The following ROCK2 variants were observed in gnomAD, a reference collection of about 807,000 sequenced individuals.
ROCK2 encodes rho-associated protein kinase 2.
A neutral mutation model predicts 195.1 loss-of-function variants in ROCK2; 61 were observed. The ratio of observed to expected loss-of-function variants is 0.31; its 90% CI spans 0.25 to 0.39. The LOEUF (loss-of-function observed/expected upper bound fraction) is 0.39. ROCK2 is among the 10% of genes least tolerant of loss of function. The probability of loss-of-function intolerance (pLI) is 1.00; values close to 1 mark genes in which losing one functional copy is unlikely to be tolerated. For synonymous variants in ROCK2, 504 were observed against 545.5 expected, an observed-to-expected ratio of 0.92 and a Z score of 1.06; for missense variants, 1,109 against 1,637.4, an observed-to-expected ratio of 0.68 and a Z score of 5.57.
chr2:11,317,885 G>A (rs1344115910), intron 1 of ROCK2, among the ~76,000 whole-genome samples: 1 of 151,278 alleles, frequency 6.6e-6, no homozygotes, highest in African/African-American at 2.4e-5. Context: ...TTGTCCTTGT[G>A]ATAGTTTGCT....
At chr2:11,209,092 G>A (rs931833782) in intron 18 of ROCK2, among the ~76,000 whole-genome samples, 1 of 152,094 alleles carries the variant, frequency 6.6e-6, no homozygotes, top group Non-Finnish European at 1.5e-5. Flanking sequence ...GCTATTCTAT[G>A]TCTCTCAGTG....
At position 11,194,266 on chromosome 2, in the gene ROCK2, A is replaced by G. The variant is rs369007584; in HGVS notation, c.3598T>C (p.Leu1200=). 3.7e-5 allele frequency: 51 copies of G among 1,392,940 alleles called. 1 individual carries two copies. The highest frequency in any genetic ancestry group is 2.9e-4 in the East Asian group (12 of 41,396). 86.3% of individuals were successfully genotyped at this position (1,392,940 alleles called of 1,614,324 possible). A position where few individuals can be genotyped will look rare whatever the true frequency, so the allele number is the denominator to read the frequency against. The change falls in exon 29 of 33, where the codon TTA becomes CTA. Residue 1200 remains leucine, a synonymous_variant. Coordinates refer to ENST00000315872, the MANE Select transcript of ROCK2 (RefSeq NM_004850.5). ...DKEQSNPYMV[L]DIDKLFHVRP... ...AACAAAAACACTTACTCTATATCTA[A>G]AACCATGTAAGGATTGGATTGTTCT... is the stretch of plus-strand genomic sequence containing the variant.
At chr2:11,343,261 T>C (rs188869915) in intron 1 of ROCK2, among the ~76,000 whole-genome samples, 1 of 152,336 alleles carries the variant, frequency 6.6e-6, no homozygotes, top group African/African-American at 2.4e-5. Flanking sequence ...CATTTCTATT[T>C]TGTAAAACAT....
chr2:11,291,784 G>T (rs1667370783), intron 1 of ROCK2, among the ~76,000 whole-genome samples: 1 of 152,108 alleles, frequency 6.6e-6, no homozygotes, highest in African/African-American at 2.4e-5. Flanking sequence ...CTATAAAACT[G>T]GGTAAGATCA....
At chr2:11,220,386 C>T (rs931322181) in intron 9 of ROCK2, among the ~76,000 whole-genome samples, 10 of 152,006 alleles carry the variant, frequency 6.6e-5, no homozygotes, top group African/African-American at 2.4e-4. Context: ...TGGGCTCAAG[C>T]TATCCTCCCA....
chr2:11,274,379 AT>A (rs1470020814), intron 3 of ROCK2, among the ~76,000 whole-genome samples: 2 of 152,256 alleles, frequency 1.3e-5, no homozygotes, highest in East Asian at 3.9e-4. Context: ...AGATGGACTA[AT>A]TAAAAAAACA....
At chr2:11,304,129 AT>A (rs1158261736) in intron 1 of ROCK2, among the ~76,000 whole-genome samples, 2 of 152,080 alleles carry the variant, frequency 1.3e-5, no homozygotes, top group East Asian at 3.9e-4. Flanking sequence ...GCGTCTTTAA[AT>A]ATGTGCTGAT....
chr2:11,268,704 T>C (rs1666515228), intron 3 of ROCK2, among the ~76,000 whole-genome samples: 1 of 152,246 alleles, frequency 6.6e-6, no homozygotes, highest in South Asian at 2.1e-4. Context: ...CTTTTGCTGC[T>C]TTCAAATTCT....
At chr2:11,306,463 T>C (rs544369112) in intron 1 of ROCK2, among the ~76,000 whole-genome samples, 11 of 152,354 alleles carry the variant, frequency 7.2e-5, no homozygotes, top group Non-Finnish European at 1.6e-4. Flanking sequence ...AATTATTATC[T>C]AGCTCCTTAT....
chr2:11,214,901 T>C lies in ROCK2; in HGVS notation c.1875A>G (p.Ser625=), dbSNP rs771503550. 1.2e-6 allele frequency: 2 copies of C among 1,613,862 alleles called. No individual in the cohort carries two copies. The part of the protein sequence containing the change: ...KLEKEFINLQ[S]ALESERRDRT... ...GATCCCTCCTTTCAGATTCTAGAGC[T>C]GACTGAAGATTGATAAATTCCTTTT... is the stretch of plus-strand genomic sequence containing the variant. Residue 625 remains serine, a synonymous_variant, in exon 16 of 33, where the codon TCA becomes TCG. Transcript: ENST00000315872.
At chr2:11,279,015 C>T (rs1335654210) in intron 3 of ROCK2, among the ~76,000 whole-genome samples, 1 of 138,564 alleles carries the variant, frequency 7.2e-6, no homozygotes, top group African/African-American at 2.7e-5. Flanking sequence ...CTATAAAAAG[C>T]AAAAAAAAAA....
intron 6 of ROCK2, among the ~76,000 whole-genome samples, chr2:11,226,507 C>T (rs113742652): frequency 4.6e-5 from 7 of 151,970 alleles, no homozygotes; most frequent in Admixed American, 1.3e-4. Flanking sequence ...CAGTTGTTTA[C>T]GAAATCAATT....
At chr2:11,263,011 G>A (rs1666286944) in intron 3 of ROCK2, among the ~76,000 whole-genome samples, 1 of 152,086 alleles carries the variant, frequency 6.6e-6, no homozygotes, top group Non-Finnish European at 1.5e-5. Context: ...GTTTGTGGCA[G>A]CCAAGATCAA....
chr2:11,291,348 G>A (rs564351628), intron 1 of ROCK2, among the ~76,000 whole-genome samples: 5 of 152,296 alleles, frequency 3.3e-5, no homozygotes, highest in East Asian at 1.9e-4. Flanking sequence ...CCACGAGTTC[G>A]AGACCATCCT....
At chr2:11,274,346 A>C (rs542344680) in intron 3 of ROCK2, among the ~76,000 whole-genome samples, 6 of 152,338 alleles carry the variant, frequency 3.9e-5, no homozygotes, top group African/African-American at 1.4e-4. Context: ...GAAACAATCC[A>C]AAAGAGTCAC....
At chr2:11,320,270 G>T (rs1370632979) in intron 1 of ROCK2, among the ~76,000 whole-genome samples, 1 of 152,102 alleles carries the variant, frequency 6.6e-6, no homozygotes, top group Non-Finnish European at 1.5e-5. Context: ...CATTCCAGGG[G>T]TTTTCCTAGT....
chr2:11,254,874 T>C (rs546106521), intron 3 of ROCK2, among the ~76,000 whole-genome samples: 31 of 150,116 alleles, frequency 2.1e-4, no homozygotes, highest in African/African-American at 7.4e-4. Flanking sequence ...CATTAAACCC[T>C]AAAAGATCCA....
At chr2:11,341,214 G>C (rs1300877908) in intron 1 of ROCK2, among the ~76,000 whole-genome samples, 1 of 152,142 alleles carries the variant, frequency 6.6e-6, no homozygotes, top group Non-Finnish European at 1.5e-5. Context: ...CCTTTGCAGA[G>C]AAACAAGATG....
intron 3 of ROCK2, among the ~76,000 whole-genome samples, chr2:11,256,023 T>C (rs770673799): frequency 7.1e-6 from 1 of 140,104 alleles, no homozygotes; most frequent in Non-Finnish European, 1.5e-5. Flanking sequence ...AATGAATAAA[T>C]GAAACTGAAG....
Sources: gnomAD v4.1 joint callset for allele counts (sites outside exome capture counted in the v4.1 genomes callset) on GRCh38, gnomAD v4.1.1 for gene constraint, MANE v1.5 for transcripts, NCBI Gene and HGNC (gene_info 2026-07-23, HGNC 2026-07-21) for gene names.